Variants in ACACA observed in about 807,000 individuals in gnomAD.
ACACA encodes acetyl-CoA carboxylase alpha.
A neutral mutation model predicts 296.1 loss-of-function variants in ACACA; 103 were observed. That is an observed-to-expected ratio of 0.35 (90% CI 0.30 to 0.41). ACACA has a LOEUF of 0.41. ACACA is among the 10% of genes least tolerant of loss of function. The pLI, the probability that ACACA is intolerant of heterozygous loss-of-function variation, is 1.00. For synonymous variants in ACACA, 953 were observed against 1,038.6 expected, an observed-to-expected ratio of 0.92 and a Z score of 1.58; for missense variants, 1,554 against 2,989.7, an observed-to-expected ratio of 0.52 and a Z score of 11.20.
intron 35 of ACACA, among the ~76,000 whole-genome samples, chr17:37,198,842 A>T (rs1039965723): frequency 6.6e-6 from 1 of 152,250 alleles, no homozygotes; most frequent in African/African-American, 2.4e-5. Flanking sequence ...AAGCAATCAC[A>T]CATAGGTCCT....
chr17:37,198,575 A>G (rs1236598415), intron 35 of ACACA, among the ~76,000 whole-genome samples: 2 of 152,156 alleles, frequency 1.3e-5, no homozygotes, highest in Non-Finnish European at 2.9e-5. Context: ...CTAAAGCCCT[A>G]GGGTTCTTTT....
At chr17:37,300,250 T>C (rs569555425) in intron 3 of ACACA, among the ~76,000 whole-genome samples, 25 of 152,298 alleles carry the variant, frequency 1.6e-4, no homozygotes, top group Admixed American at 4.6e-4. Context: ...GAGACACATA[T>C]ATTACTATGA....
intron 50 of ACACA, among the ~76,000 whole-genome samples, chr17:37,115,031 G>C (rs747082384): frequency 2.0e-5 from 3 of 152,080 alleles, no homozygotes. Flanking sequence ...GCCCCAACCT[G>C]GTGTGTCTGT....
chr17:37,371,405 GA>G (rs969506164), intron 1 of ACACA, among the ~76,000 whole-genome samples: 1 of 151,942 alleles, frequency 6.6e-6, no homozygotes, highest in African/African-American at 2.4e-5. Flanking sequence ...ACAAAACATG[GA>G]AAAATAAAGA....
chr17:37,282,955 A>C (rs921206712), intron 5 of ACACA, among the ~76,000 whole-genome samples: 1 of 152,228 alleles, frequency 6.6e-6, no homozygotes, highest in East Asian at 1.9e-4. Context: ...CCACTTACGC[A>C]TTCCAAAGAA....
intron 1 of ACACA, chr17:37,388,897 TGAG>T (rs1372001827): frequency 2.3e-5 from 32 of 1,420,290 alleles, no homozygotes; most frequent in South Asian, 2.2e-4. Flanking sequence ...CTTTGGAATT[TGAG>T]GAGATGTGCC....
chr17:37,227,161 T>C (rs2079576813), intron 25 of ACACA, among the ~76,000 whole-genome samples: 1 of 152,096 alleles, frequency 6.6e-6, no homozygotes, highest in East Asian at 1.9e-4. Context: ...TTCTAAGAAG[T>C]AAAAAATGTT....
intron 24 of ACACA, among the ~76,000 whole-genome samples, chr17:37,240,110 A>C (rs2080317196): frequency 6.6e-6 from 1 of 152,254 alleles, no homozygotes; most frequent in Admixed American, 6.5e-5. Flanking sequence ...ATTAGCTGCC[A>C]AGAATCAAGC....
At chr17:37,270,897 G>C in intron 9 of ACACA, 36 bp from the exon 10 acceptor site, 1 of 1,533,246 alleles carries the variant, frequency 6.5e-7, no homozygotes, top group Non-Finnish European at 9.0e-7. Flanking sequence ...AGAAGAAACA[G>C]TGTTATTACC....
intron 2 of ACACA, among the ~76,000 whole-genome samples, chr17:37,335,250 C>T (rs188388831): frequency 5.9e-5 from 9 of 152,238 alleles, no homozygotes; most frequent in Admixed American, 3.9e-4. Context: ...TCCCCCTGCA[C>T]TTTAGGCCAT....
chr17:37,261,592 A>G (rs2081517116), intron 11 of ACACA, among the ~76,000 whole-genome samples: 1 of 152,228 alleles, frequency 6.6e-6, no homozygotes, highest in African/African-American at 2.4e-5. Context: ...CCAAAGCCCA[A>G]CTCACAGAGA....
chr17:37,278,020 G>C lies in ACACA; in HGVS notation c.611-15C>G, dbSNP rs373654590. 2 of 1,578,658 alleles carry C rather than the reference G, an allele frequency of 1.3e-6. No individual in the cohort carries two copies. Among genetic ancestry groups the C allele is most frequent in the African/African-American group, 1.3e-5 (1 of 74,164 alleles). On this transcript the variant is annotated splice_polypyrimidine_tract_variant and intron_variant, in intron 5 of 55. Coordinates refer to ENST00000616317, the MANE Select transcript of ACACA (RefSeq NM_198834.3). ...CTTAATGTATTCTGAAAATGCAAGC[G>C]AATTAATAGAGAACACATGATTTTT...
intron 3 of ACACA, chr17:37,299,282 T>G: frequency 1.2e-6 from 2 of 1,613,900 alleles, no homozygotes; most frequent in Non-Finnish European, 8.5e-7. Context: ...ACACTTACCT[T>G]TGAAGCATGT....
At chr17:37,299,443 A>C in intron 3 of ACACA, 1 of 1,591,244 alleles carries the variant, frequency 6.3e-7, no homozygotes, top group East Asian at 2.3e-5. Context: ...GACAAGAGAT[A>C]CTGTGCCTTC....
Position 37,331,210 on chromosome 17 carries a change from C to T in ACACA, c.86-785G>A, listed in dbSNP as rs555167786. On this transcript the variant is annotated intron_variant, in intron 2 of 55. Coordinates refer to ENST00000616317, the MANE Select transcript of ACACA (RefSeq NM_198834.3). The stretch of plus-strand genomic sequence containing the variant: ...GCCACTCACTGCAAGCTCCGCCTCC[C>T]GGGTTCATGCCATTCTCCTGCCTCA... Among the ~76,000 whole-genome samples the T allele has an allele frequency of 9.3e-4, 141 of 151,478 alleles. 1 individual carries two copies. Among genetic ancestry groups the T allele is most frequent in the African/African-American group, 3.3e-3 (138 of 41,252 alleles).
At chr17:37,135,205 A>T (rs2075280515) in intron 45 of ACACA, among the ~76,000 whole-genome samples, 1 of 152,252 alleles carries the variant, frequency 6.6e-6, no homozygotes, top group Non-Finnish European at 1.5e-5. Flanking sequence ...AATATATCCA[A>T]GGGTGAATGG....
At chr17:37,146,405 T>C (rs2075809214) in intron 45 of ACACA, among the ~76,000 whole-genome samples, 1 of 128,192 alleles carries the variant, frequency 7.8e-6, no homozygotes. Flanking sequence ...CTCTTCAAAC[T>C]GAACCATGTT....
At chr17:37,131,625 T>A (rs2075102789) in intron 45 of ACACA, among the ~76,000 whole-genome samples, 1 of 152,174 alleles carries the variant, frequency 6.6e-6, no homozygotes, top group African/African-American at 2.4e-5. Context: ...TTTTGCCCCT[T>A]CTTGTTAGGA....
At position 37,248,671 on chromosome 17, in the gene ACACA, A is replaced by G. The variant is rs780456848; in HGVS notation, c.2085T>C (p.Gly695=). 5 of 1,607,080 alleles carry G rather than the reference A, an allele frequency of 3.1e-6. No homozygotes were observed. Among genetic ancestry groups the G allele is most frequent in the South Asian group, 1.1e-5 (1 of 90,758 alleles). The change falls in exon 17 of 56, where the codon GGT becomes GGC. Residue 695 remains glycine (G), a synonymous_variant. Coordinates refer to ENST00000616317, the MANE Select transcript of ACACA (RefSeq NM_198834.3). ...GAAGTGTATGAGCAGGAAGGACTTGACCCCTGAAAGAACGATGAGAGAGGA... is the reference window on the plus strand; with the variant it reads ...GAAGTGTATGAGCAGGAAGGACTTGGCCCCTGAAAGAACGATGAGAGAGGA... The part of the protein sequence containing the change: ...VSNFLHSLER[G]QVLPAHTLLN...
Sources: allele counts gnomAD v4.1 joint callset (sites outside exome capture counted in the v4.1 genomes callset), GRCh38; gene constraint gnomAD v4.1.1; transcripts MANE v1.5; gene names NCBI Gene and HGNC (gene_info 2026-07-23, HGNC 2026-07-21).